Variants in AIF1L observed in about 807,000 individuals in gnomAD.
AIF1L encodes allograft inflammatory factor 1 like.
A neutral mutation model predicts 20.7 loss-of-function variants in AIF1L; 12 were observed. The ratio of observed to expected loss-of-function variants is 0.58; its 90% CI spans 0.37 to 0.94. AIF1L has a LOEUF of 0.94. Ranked by LOEUF, AIF1L falls within the 40% of genes least tolerant of loss-of-function variation. The pLI is 0.01. For missense variants in AIF1L, 173 were observed against 185.3 expected, an observed-to-expected ratio of 0.93 and a Z score of 0.39; for synonymous variants, 76 against 65.1, an observed-to-expected ratio of 1.17 and a Z score of -0.81.
chr9:131,096,845 G>A lies in AIF1L; in HGVS notation c.75G>A (p.Arg25=), dbSNP rs1830539504. The change falls in exon 2 of 6, where the codon AGG becomes AGA. Residue 25 remains arginine, a synonymous_variant. Coordinates refer to ENST00000247291, the MANE Select transcript of AIF1L (RefSeq NM_031426.4). ...FGLLKARQER[R]LAEINREFLC... is the part of the protein sequence containing the mutation. ...TGCTCAAAGCCCGGCAGGAGAGGAG[G>A]CTGGCCGAGATCAACCGGGTAAGCC... 1 of 1,537,930 alleles carries A rather than the reference G, an allele frequency of 6.5e-7. No individual in the cohort carries two copies.
intron 1 of AIF1L, 30 bp downstream of exon 1, chr9:131,096,690 T>C: frequency 1.4e-6 from 2 of 1,457,122 alleles, no homozygotes. Flanking sequence ...AGCAGCCACC[T>C]GTGCGCGCCG....
chr9:131,098,465 G>GC, intron 2 of AIF1L, among the ~76,000 whole-genome samples: 1 of 152,242 alleles, frequency 6.6e-6, no homozygotes, highest in African/African-American at 2.4e-5. Context: ...ACCTCATATA[G>GC]CCCCCTGGGT....
intron 2 of AIF1L, among the ~76,000 whole-genome samples, chr9:131,103,829 G>A (rs1485915934): frequency 6.6e-6 from 1 of 152,158 alleles, no homozygotes; most frequent in East Asian, 1.9e-4. Flanking sequence ...AAGCTGGAAT[G>A]GCAACCCTGG....
At chr9:131,097,005 C>A in intron 2 of AIF1L, 142 bp downstream of exon 2, 1 of 951,194 alleles carries the variant, frequency 1.1e-6, no homozygotes, top group South Asian at 2.1e-5. Context: ...TGCCTCCCTC[C>A]GCCCCCAGCC....
At chr9:131,105,266 G>A (rs552794161) in intron 2 of AIF1L, among the ~76,000 whole-genome samples, 17 of 152,364 alleles carry the variant, frequency 1.1e-4, no homozygotes, top group African/African-American at 4.1e-4. Flanking sequence ...GGTCAGCACA[G>A]CTGCCCTAAT....
intron 2 of AIF1L, among the ~76,000 whole-genome samples, chr9:131,099,418 C>T (rs964630258): frequency 3.3e-5 from 5 of 152,238 alleles, no homozygotes; most frequent in African/African-American, 4.8e-5. Context: ...GGGGGCAGTG[C>T]AGAGGGCCTG....
chr9:131,096,694 C>G (rs1564162083), intron 1 of AIF1L, 34 bp downstream of exon 1: 6 of 1,450,766 alleles, frequency 4.1e-6, no homozygotes, highest in Non-Finnish European at 5.4e-6. Flanking sequence ...GCCACCTGTG[C>G]GCGCCGGGCG....
intron 2 of AIF1L, 122 bp downstream of exon 2, chr9:131,096,985 T>G: frequency 8.9e-7 from 1 of 1,118,898 alleles, no homozygotes; most frequent in Non-Finnish European, 1.2e-6. Flanking sequence ...TCCCCTGGGC[T>G]TCCCTCAGGT....
chr9:131,114,273 T>C (rs572532941), intron 3 of AIF1L: 22 of 356,982 alleles, frequency 6.2e-5, no homozygotes, highest in Non-Finnish European at 1.1e-4. Flanking sequence ...CTAACTCAGA[T>C]GCAGCTGGTC....
intron 2 of AIF1L, chr9:131,106,410 G>T: frequency 1.4e-6 from 1 of 690,332 alleles, no homozygotes; most frequent in Non-Finnish European, 2.5e-6. Flanking sequence ...AATCATGTTT[G>T]GAGGTGACCC....
chr9:131,099,721 A>T (rs970805034), intron 2 of AIF1L, among the ~76,000 whole-genome samples: 13 of 141,638 alleles, frequency 9.2e-5, no homozygotes, highest in Non-Finnish European at 1.7e-4. Context: ...AGGGTAGCTC[A>T]GCCTTAGCTT....
chr9:131,110,505 C>CTTT (rs199767868), intron 2 of AIF1L, among the ~76,000 whole-genome samples: 2 of 138,442 alleles, frequency 1.4e-5, no homozygotes, highest in East Asian at 2.1e-4. Flanking sequence ...TTTTTCTTTT[C>CTTT]TTTTTTTTTT....
At chr9:131,117,594 C>A (rs1233611464) in intron 4 of AIF1L, among the ~76,000 whole-genome samples, 162 bp from the exon 5 acceptor site, 1 of 152,212 alleles carries the variant, frequency 6.6e-6, no homozygotes, top group East Asian at 1.9e-4. Flanking sequence ...CCTATACGGC[C>A]TCCAAAGAGA....
chr9:131,118,511 G>A (rs921710445), intron 5 of AIF1L, among the ~76,000 whole-genome samples: 4 of 151,552 alleles, frequency 2.6e-5, no homozygotes, highest in African/African-American at 4.9e-5. Context: ...GGTGATAATG[G>A]TGATAAATCT....
In AIF1L at chr9:131,111,928, C is replaced by A; in HGVS notation, c.160+265C>A. 9.9e-6 allele frequency: 5 copies of A among 506,210 alleles called. No individual in the cohort carries two copies. In the South Asian group the frequency reaches 1.1e-4, roughly 11 times the overall value. The allele number at this position is 506,210 out of a possible 1,614,324, so 31.4% of individuals were successfully genotyped here. On this transcript the variant is annotated intron_variant, in intron 3 of 5. Coordinates refer to ENST00000247291, the MANE Select transcript of AIF1L (RefSeq NM_031426.4). Reference sequence around the variant, plus strand: ...CCTGCCCCTCTCTCTCCCCTCACTGCCCACGGGGCTCAGGCTGGTTCCCGT... The same window carrying A: ...CCTGCCCCTCTCTCTCCCCTCACTGACCACGGGGCTCAGGCTGGTTCCCGT...
intron 3 of AIF1L, chr9:131,112,074 T>G: frequency 5.5e-6 from 1 of 180,746 alleles, no homozygotes; most frequent in East Asian, 1.6e-4. Flanking sequence ...GAATGGACGT[T>G]TGTGTCACCG....
chr9:131,115,054 C>T (rs1365877001), intron 4 of AIF1L, among the ~76,000 whole-genome samples: 5 of 152,224 alleles, frequency 3.3e-5, no homozygotes, highest in Admixed American at 3.3e-4. Context: ...GCTACTGGCA[C>T]TTACGTTCTG....
intron 2 of AIF1L, among the ~76,000 whole-genome samples, chr9:131,109,627 G>A (rs1230479739): frequency 1.3e-5 from 2 of 152,176 alleles, no homozygotes; most frequent in Admixed American, 1.3e-4. Context: ...TGCAGAGTTC[G>A]AGTGGTAGGA....
chr9:131,102,816 C>T (rs1357564488), intron 2 of AIF1L: 2 of 448,056 alleles, frequency 4.5e-6, no homozygotes, highest in Admixed American at 4.8e-5. Flanking sequence ...AGAGGTCCTA[C>T]GCCCCGGCAT....
Sources: gnomAD v4.1 joint callset for allele counts (sites outside exome capture counted in the v4.1 genomes callset) on GRCh38, gnomAD v4.1.1 for gene constraint, MANE v1.5 for transcripts, NCBI Gene and HGNC (gene_info 2026-07-23, HGNC 2026-07-21) for gene names.